ABLIM2: variants seen among roughly 807,000 people sequenced by gnomAD.
ABLIM2 encodes actin binding LIM protein family member 2, also known as actin-binding LIM protein 2.
ABLIM2 carries 53 observed loss-of-function variants against 97.7 expected under a neutral mutation model. That is an observed-to-expected ratio of 0.54 (90% CI 0.44 to 0.68). ABLIM2 has a LOEUF of 0.68. ABLIM2 is among the 30% of genes least tolerant of loss of function. The pLI is 0.00. For synonymous variants in ABLIM2, 361 were observed against 345.8 expected (o/e 1.04, Z -0.49); for missense variants, 835 against 867.2 (o/e 0.96, Z 0.47).
chr4:8,026,088 G>C (rs1777150513), intron 12 of ABLIM2, among the ~76,000 whole-genome samples: 1 of 152,188 alleles, frequency 6.6e-6, no homozygotes, highest in African/African-American at 2.4e-5. Flanking sequence ...GCTCACTGCA[G>C]CTTCAAACTG....
intron 8 of ABLIM2, among the ~76,000 whole-genome samples, chr4:8,051,121 G>A (rs866003462): frequency 3.9e-5 from 6 of 152,366 alleles, no homozygotes; most frequent in Non-Finnish European, 8.8e-5. Flanking sequence ...TCTCATGGCC[G>A]CTCCACAGTA....
chr4:8,070,509 T>C (rs1350001637), intron 6 of ABLIM2, among the ~76,000 whole-genome samples: 2 of 152,122 alleles, frequency 1.3e-5, no homozygotes, highest in African/African-American at 2.4e-5. Context: ...AAACACGGTT[T>C]GTTTTCTCCC....
At chr4:8,000,977 C>T (rs908380078) in intron 16 of ABLIM2, among the ~76,000 whole-genome samples, 17 of 152,188 alleles carry the variant, frequency 1.1e-4, no homozygotes, top group Admixed American at 8.5e-4. Flanking sequence ...ACACAGCGTC[C>T]GGGTCTGCTT....
chr4:8,108,595 C>A (rs907878131), intron 1 of ABLIM2, among the ~76,000 whole-genome samples: 1 of 152,240 alleles, frequency 6.6e-6, no homozygotes, highest in Non-Finnish European at 1.5e-5. Flanking sequence ...CGTCCTAATT[C>A]GTGCCCCCGC....
chr4:8,075,585 C>T lies in ABLIM2; in HGVS notation c.675+2043G>A, dbSNP rs1014205475. On this transcript the variant is annotated intron_variant, in intron 6 of 20. Transcript: ENST00000447017. The surrounding 1 kb of genome is among the most constrained non-coding windows in gnomAD (Gnocchi z 4.4). ...GCGCACACCTGTAGTCCCAGCTGGTCGGGAGGCTGAGGTGGAAGGATCACT... is the reference window on the plus strand; with the variant it reads ...GCGCACACCTGTAGTCCCAGCTGGTTGGGAGGCTGAGGTGGAAGGATCACT... Among the ~76,000 whole-genome samples, 6 of 151,858 alleles carry T rather than the reference C, an allele frequency of 4.0e-5. No homozygotes were observed. Among genetic ancestry groups the T allele is most frequent in the African/African-American group, 7.3e-5 (3 of 41,332 alleles).
rs1476268649 is a variant in ABLIM2 at position 7,992,146 on chromosome 4, G to T, written c.1680+720C>A. 6.6e-6 allele frequency among the ~76,000 whole-genome samples: 1 copy of T among 151,994 alleles called. No individual in the cohort carries two copies. Among genetic ancestry groups the T allele is most frequent in the Admixed American group, 6.6e-5 (1 of 15,260 alleles). ...CCCCACCCTAAGGATCCTCACTGGG[G>T]ACCCCTGTGACGCTGTGGGCAGAGG... On this transcript the variant is annotated intron_variant, in intron 17 of 20. Coordinates refer to ENST00000447017, the MANE Select transcript of ABLIM2 (RefSeq NM_001130083.2). This position sits in a 1 kb window ranked among gnomAD's most constrained non-coding sequence, Gnocchi z 5.7.
At chr4:8,027,623 G>A (rs975407509) in intron 12 of ABLIM2, 136 bp downstream of exon 12, 2 of 585,074 alleles carry the variant, frequency 3.4e-6, no homozygotes, top group South Asian at 6.7e-5. Context: ...AGACACACAA[G>A]ACACACACAG....
At position 8,072,293 on chromosome 4, in the gene ABLIM2, C is replaced by T. The variant is rs529613541; in HGVS notation, c.675+5335G>A. Among the ~76,000 whole-genome samples the T allele has an allele frequency of 3.3e-5, 5 of 151,808 alleles. No homozygotes were observed. The highest frequency in any genetic ancestry group is 2.0e-4 in the Admixed American group (3 of 15,290). ...GGATGCTTACATTGCAGACATGGGA[C>T]GCTTGCCTCCCAATCCATCAAGGGG... On this transcript the variant is annotated intron_variant, in intron 6 of 20. Coordinates refer to ENST00000447017, the MANE Select transcript of ABLIM2 (RefSeq NM_001130083.2). The surrounding 1 kb of genome is among the most constrained non-coding windows in gnomAD (Gnocchi z 5.8).
In ABLIM2 at chr4:8,005,447, C is replaced by T. The variant is rs776419108; in HGVS notation, c.1618+2612G>A. On this transcript the variant is annotated intron_variant, in intron 16 of 20. Coordinates refer to ENST00000447017, the MANE Select transcript of ABLIM2 (RefSeq NM_001130083.2). This position sits in a 1 kb window ranked among gnomAD's most constrained non-coding sequence, Gnocchi z 4.9. ...GACGTCCCGGGGTGCAGGTGGCGTGCCTTGCTGTGTGCAAATGCTTTGTTC... is the reference window on the plus strand; with the variant it reads ...GACGTCCCGGGGTGCAGGTGGCGTGTCTTGCTGTGTGCAAATGCTTTGTTC... 1.3e-5 allele frequency: 7 copies of T among 532,506 alleles called. No homozygotes were observed. The highest frequency in any genetic ancestry group is 2.7e-5 in the Non-Finnish European group (7 of 259,946). 33.0% of individuals were successfully genotyped at this position (532,506 alleles called of 1,614,324 possible).
At position 7,998,823 on chromosome 4, in the gene ABLIM2, C is replaced by T. The variant is rs1167715321; in HGVS notation, c.1619-5896G>A. On this transcript the variant is annotated intron_variant, in intron 16 of 20. Transcript: ENST00000447017. This position sits in a 1 kb window ranked among gnomAD's most constrained non-coding sequence, Gnocchi z 6.4. ...CCCTTGAGGTCCCGAGGCTGCCTCG[C>T]CAGGCCACTTTGCTGTTCCCACCTT... 6.6e-6 allele frequency among the ~76,000 whole-genome samples: 1 copy of T among 152,192 alleles called. No homozygotes were observed. Among genetic ancestry groups the T allele is most frequent in the Non-Finnish European group, 1.5e-5 (1 of 68,032 alleles).
In ABLIM2 at chr4:8,135,072, C is replaced by T. The variant is rs577196024; in HGVS notation, c.10+23608G>A. ...CCCAGACATGAAGAAACAGACCAGTCCTGATGGTGGGACATGCCACAAGGC... is the reference window on the plus strand; with the variant it reads ...CCCAGACATGAAGAAACAGACCAGTTCTGATGGTGGGACATGCCACAAGGC... On this transcript the variant is annotated intron_variant, in intron 1 of 20. Coordinates refer to ENST00000447017, the MANE Select transcript of ABLIM2 (RefSeq NM_001130083.2). Among the ~76,000 whole-genome samples the T allele has an allele frequency of 5.9e-5, 9 of 152,262 alleles. No individual in the cohort carries two copies. The South Asian group carries it at 1.7e-3, about 28-fold the overall frequency.
intron 10 of ABLIM2, among the ~76,000 whole-genome samples, chr4:8,035,598 C>T (rs374302889): frequency 9.9e-5 from 15 of 152,154 alleles, no homozygotes; most frequent in African/African-American, 1.2e-4. Context: ...AGGCATTCCA[C>T]GGGAAATGGA....
rs1297161697 is a variant in ABLIM2 at position 8,068,129 on chromosome 4, G to A, written c.676-7075C>T. Among the ~76,000 whole-genome samples, 1 of 152,138 alleles carries A rather than the reference G, an allele frequency of 6.6e-6. No homozygotes were observed. The highest frequency in any genetic ancestry group is 2.4e-5 in the African/African-American group (1 of 41,434). On this transcript the variant is annotated intron_variant, in intron 6 of 20. Coordinates refer to ENST00000447017, the MANE Select transcript of ABLIM2 (RefSeq NM_001130083.2). The surrounding 1 kb of genome is among the most constrained non-coding windows in gnomAD (Gnocchi z 4.5). ...GGCCACATCCTCCCAATTGCCACCC[G>A]AGGAGTGCCTGAAACCTCGGCCGCT...
At chr4:8,141,398 C>T (rs1850968550) in intron 1 of ABLIM2, among the ~76,000 whole-genome samples, 1 of 152,240 alleles carries the variant, frequency 6.6e-6, no homozygotes, top group Non-Finnish European at 1.5e-5. Flanking sequence ...GCCTCCTTCA[C>T]AGCTTTCCCC....
intron 15 of ABLIM2, 104 bp downstream of exon 15, chr4:8,008,946 A>G (rs973887460): frequency 1.4e-6 from 2 of 1,393,580 alleles, no homozygotes. Flanking sequence ...CCTAAGGAAC[A>G]GAATGTAAGA....
At chr4:8,094,658 C>T (rs997138626) in intron 3 of ABLIM2, among the ~76,000 whole-genome samples, 3 of 152,178 alleles carry the variant, frequency 2.0e-5, no homozygotes, top group Non-Finnish European at 2.9e-5. Context: ...GGTGTGGTGC[C>T]GGGCTGTCTG....
chr4:8,128,014 C>T lies in ABLIM2; in HGVS notation c.11-21377G>A, dbSNP rs918689740. On this transcript the variant is annotated intron_variant, in intron 1 of 20. Coordinates refer to ENST00000447017, the MANE Select transcript of ABLIM2 (RefSeq NM_001130083.2). This position sits in a 1 kb window ranked among gnomAD's most constrained non-coding sequence, Gnocchi z 4.9. ...TTCAAACAACAGATACGGATTCTCT[C>T]GCAGTTCTGGGGGCCAGAAGTCTGA... 6.6e-6 allele frequency among the ~76,000 whole-genome samples: 1 copy of T among 152,198 alleles called. No homozygotes were observed. The highest frequency in any genetic ancestry group is 1.5e-5 in the Non-Finnish European group (1 of 68,032).
intron 1 of ABLIM2, among the ~76,000 whole-genome samples, chr4:8,110,421 G>A (rs140655419): frequency 0.01 from 1,593 of 152,106 alleles, 30 homozygotes; most frequent in African/African-American, 0.036. Context: ...CTCAGGTGAG[G>A]CCCTGAAACT....
At position 8,033,318 on chromosome 4, in the gene ABLIM2, C is replaced by T. The variant is rs1184244377; in HGVS notation, c.1047+2831G>A. Among the ~76,000 whole-genome samples, 22 of 152,136 alleles carry T rather than the reference C, an allele frequency of 1.4e-4. No homozygotes were observed. Among genetic ancestry groups the T allele is most frequent in the Non-Finnish European group, 1.5e-5 (1 of 68,032 alleles). ...GTTCCCACAGCAGAGCGGGGAGGCA[C>T]TCTGTTCACAGGAACCATGGTTATT... On this transcript the variant is annotated intron_variant, in intron 10 of 20. Transcript: ENST00000447017. The surrounding 1 kb of genome is among the most constrained non-coding windows in gnomAD (Gnocchi z 4.5).
Sources: gnomAD v4.1 joint callset for allele counts (sites outside exome capture counted in the v4.1 genomes callset) on GRCh38, gnomAD v4.1.1 for gene constraint, Gnocchi (gnomAD v3.1) non-coding constraint, MANE v1.5 for transcripts, NCBI Gene and HGNC (gene_info 2026-07-23, HGNC 2026-07-21) for gene names.